CREB3L2: variants seen among roughly 807,000 people sequenced by gnomAD.
CREB3L2 encodes cyclic AMP-responsive element-binding protein 3-like protein 2.
In CREB3L2, 23 loss-of-function variants were observed where a neutral mutation model predicts 57.2. The observed-to-expected ratio is 0.40, with a 90% confidence interval of 0.29 to 0.57. The LOEUF (loss-of-function observed/expected upper bound fraction) is 0.57. Among genes scored for constraint, CREB3L2 ranks in the 20% least tolerant of loss-of-function variants. The pLI, the probability that CREB3L2 is intolerant of heterozygous loss-of-function variation, is 0.42. For synonymous variants in CREB3L2, 268 were observed against 265.1 expected (o/e 1.01, Z -0.11); for missense variants, 628 against 634.7 (o/e 0.99, Z 0.11).
At chr7:137,924,245 G>A (rs1002505001) in intron 2 of CREB3L2, among the ~76,000 whole-genome samples, 1 of 152,172 alleles carries the variant, frequency 6.6e-6, no homozygotes, top group African/African-American at 2.4e-5. Context: ...TGATGCAAAG[G>A]TAGTATTAGA....
chr7:137,893,086 C>T (rs1041106409), intron 8 of CREB3L2, among the ~76,000 whole-genome samples: 2 of 151,626 alleles, frequency 1.3e-5, no homozygotes, highest in Non-Finnish European at 2.9e-5. Context: ...AAAAAAAAAG[C>T]GTATAAATTT....
intron 8 of CREB3L2, among the ~76,000 whole-genome samples, chr7:137,894,013 C>T (rs1799571238): frequency 2.0e-5 from 3 of 152,180 alleles, no homozygotes; most frequent in Admixed American, 1.3e-4. Context: ...TCAGCCTGCT[C>T]CACACCGTTG....
intron 1 of CREB3L2, among the ~76,000 whole-genome samples, chr7:137,960,310 G>A (rs1204894508): frequency 2.0e-5 from 3 of 152,078 alleles, no homozygotes; most frequent in Non-Finnish European, 4.4e-5. Context: ...TAAGTGCTAA[G>A]TTCGTAACAT....
At position 137,876,331 on chromosome 7, in the gene CREB3L2, C is replaced by CGTGTGTGTGT. The variant is rs10534110; in HGVS notation, c.*4135_*4144dup. The CGTGTGTGTGT allele has an allele frequency of 5.8e-4, 130 of 223,272 alleles. 1 individual carries two copies. Among genetic ancestry groups the CGTGTGTGTGT allele is most frequent in the African/African-American group, 2.6e-3 (114 of 43,636 alleles). The allele number at this position is 223,272 out of a possible 1,614,324, so 13.8% of individuals were successfully genotyped here. ...TGAGCATGTAAGGGAGGAATGTGCA[C>CGTGTGTGTGT]GTGTGTGTGTGTGTGTGTGTGTGTG... On this transcript the variant is annotated 3_prime_UTR_variant, in exon 12 of 12. Coordinates refer to ENST00000330387, the MANE Select transcript of CREB3L2 (RefSeq NM_194071.4).
intron 9 of CREB3L2, 52 bp downstream of exon 9, chr7:137,885,351 G>C (rs1170597973): frequency 2.7e-5 from 40 of 1,470,532 alleles, no homozygotes; most frequent in Non-Finnish European, 3.7e-5. Flanking sequence ...GGAGAGGGGA[G>C]ACAGGGGCCA....
At chr7:137,914,434 C>T (rs1800082603) in intron 3 of CREB3L2, among the ~76,000 whole-genome samples, 1 of 152,060 alleles carries the variant, frequency 6.6e-6, no homozygotes, top group African/African-American at 2.4e-5. Flanking sequence ...GAGTTCGAGA[C>T]CAGCGTGGCC....
intron 1 of CREB3L2, among the ~76,000 whole-genome samples, chr7:137,994,414 A>G (rs1801950045): frequency 6.6e-6 from 1 of 152,192 alleles, no homozygotes; most frequent in Non-Finnish European, 1.5e-5. Context: ...CTTGTCCTGC[A>G]TGGTAAGCAT....
intron 1 of CREB3L2, among the ~76,000 whole-genome samples, chr7:137,946,487 T>G (rs548698053): frequency 6.6e-6 from 1 of 150,480 alleles, no homozygotes. Context: ...AAAGAGGACC[T>G]TGAGCCTCAA....
chr7:137,909,124 A>G (rs755105428), intron 4 of CREB3L2, among the ~76,000 whole-genome samples: 2 of 152,196 alleles, frequency 1.3e-5, no homozygotes, highest in African/African-American at 2.4e-5. Context: ...GCTGCTTTGA[A>G]AAAAGCCGGT....
chr7:137,957,586 C>A, intron 1 of CREB3L2: 1 of 371,876 alleles, frequency 2.7e-6, no homozygotes, highest in Non-Finnish European at 5.1e-6. Flanking sequence ...CCAAACTCAA[C>A]AACTAGGCCC....
chr7:137,876,193 T>A lies in CREB3L2; in HGVS notation c.*4283A>T, dbSNP rs1799146683. 8.6e-6 allele frequency: 2 copies of A among 232,770 alleles called. No individual in the cohort carries two copies. Among genetic ancestry groups the A allele is most frequent in the Admixed American group, 5.6e-5 (1 of 17,748 alleles). 14.4% of individuals were successfully genotyped at this position (232,770 alleles called of 1,614,324 possible). ...ACTTTTGAGCCTTCAGAAAAAAATT[T>A]TTCCCCACACCCAACTCAATCTAAT... On this transcript the variant is annotated 3_prime_UTR_variant, in exon 12 of 12. Coordinates refer to ENST00000330387, the MANE Select transcript of CREB3L2 (RefSeq NM_194071.4).
chr7:137,915,912 C>T lies in CREB3L2; in HGVS notation c.420G>A (p.Pro140=), dbSNP rs147928164. The T allele has an allele frequency of 4.8e-4, 773 of 1,614,114 alleles. 1 individual carries two copies. The highest frequency in any genetic ancestry group is 6.2e-4 in the Non-Finnish European group (733 of 1,180,000). ...TGGCTGTGATGGTCAGAGTGACAGACGGAACGAGTCCTGGGGGTGGTTCGT... is the reference window on the plus strand; with the variant it reads ...TGGCTGTGATGGTCAGAGTGACAGATGGAACGAGTCCTGGGGGTGGTTCGT... ...VTDEPPPGLV[P]SVTLTITAIS... is the part of the protein sequence containing the mutation. The change falls in exon 3 of 12, where the codon CCG becomes CCA. Residue 140 remains proline, a synonymous_variant. Transcript: ENST00000330387.
At chr7:137,986,069 CACTTT>C (rs1187673538) in intron 1 of CREB3L2, among the ~76,000 whole-genome samples, 2 of 152,192 alleles carry the variant, frequency 1.3e-5, no homozygotes, top group Admixed American at 6.5e-5. Context: ...GACATAGTGA[CACTTT>C]ACTTATGTCA....
intron 1 of CREB3L2, among the ~76,000 whole-genome samples, chr7:137,991,489 C>T (rs559133189): frequency 2.0e-5 from 3 of 151,794 alleles, no homozygotes; most frequent in Non-Finnish European, 2.9e-5. Context: ...TTTAAAGATT[C>T]TTCAGTGGTA....
chr7:137,975,449 C>T (rs954847914), intron 1 of CREB3L2, among the ~76,000 whole-genome samples: 1 of 152,206 alleles, frequency 6.6e-6, no homozygotes, highest in Non-Finnish European at 1.5e-5. Flanking sequence ...ATCTGCAGGA[C>T]TCTCGCCCCT....
chr7:137,965,286 C>T lies in CREB3L2; in HGVS notation c.102+36318G>A, dbSNP rs796704199. ...TATAAACAGAAATTTAGTCTGTCTC[C>T]TTCTGTCTTTCCAACACGCAGTATC... On this transcript the variant is annotated intron_variant, in intron 1 of 11. Transcript: ENST00000330387. Among the ~76,000 whole-genome samples the T allele has an allele frequency of 7.9e-5, 12 of 152,312 alleles. 2 individuals are homozygous for T. Among genetic ancestry groups the T allele is most frequent in the African/African-American group, 2.9e-4 (12 of 41,584 alleles).
chr7:137,922,420 A>ATG, intron 2 of CREB3L2, among the ~76,000 whole-genome samples: 1 of 42,686 alleles, frequency 2.3e-5, no homozygotes, highest in South Asian at 8.1e-4. Context: ...ATATATGTAT[A>ATG]TATATATATA....
intron 2 of CREB3L2, among the ~76,000 whole-genome samples, chr7:137,925,488 C>G (rs1031699742): frequency 6.6e-6 from 1 of 152,176 alleles, no homozygotes; most frequent in Non-Finnish European, 1.5e-5. Flanking sequence ...ATATAGCTGT[C>G]TATACATGCT....
At chr7:137,929,271 T>C (rs1800553651) in intron 1 of CREB3L2, among the ~76,000 whole-genome samples, 1 of 152,050 alleles carries the variant, frequency 6.6e-6, no homozygotes, top group South Asian at 2.1e-4. Flanking sequence ...CCCCATCCAC[T>C]CTCCCTCCTT....
Sources: allele counts gnomAD v4.1 joint callset (sites outside exome capture counted in the v4.1 genomes callset), GRCh38; gene constraint gnomAD v4.1.1; transcripts MANE v1.5; gene names NCBI Gene and HGNC (gene_info 2026-07-23, HGNC 2026-07-21).